The following DHX30 variants were observed in gnomAD, a reference collection of about 807,000 sequenced individuals.
DHX30 encodes DExH-box helicase 30, also known as ATP-dependent RNA helicase DHX30.
Under a neutral mutation model 116.9 loss-of-function variants are expected in DHX30, and 4 were observed. That is an observed-to-expected ratio of 0.03 (90% CI 0.02 to 0.08). DHX30 has a LOEUF of 0.08. Among genes scored for constraint, DHX30 ranks in the 10% least tolerant of loss-of-function variants. The probability of loss-of-function intolerance (pLI) is 1.00; values close to 1 mark genes in which losing one functional copy is unlikely to be tolerated. For synonymous variants in DHX30, 697 were observed against 651.7 expected, an observed-to-expected ratio of 1.07 and a Z score of -1.06; for missense variants, 871 against 1,595.1, an observed-to-expected ratio of 0.55 and a Z score of 7.73.
At chr3:47,845,123 G>A (rs923932412) in intron 9 of DHX30, among the ~76,000 whole-genome samples, 3 of 152,108 alleles carry the variant, frequency 2.0e-5, no homozygotes, top group Non-Finnish European at 4.4e-5. Flanking sequence ...TTTCTCCTCA[G>A]GGCCTTCTCC....
intron 4 of DHX30, chr3:47,826,129 C>G (rs1231918893): frequency 6.6e-6 from 1 of 152,204 alleles, no homozygotes; most frequent in Non-Finnish European, 1.5e-5. Flanking sequence ...AAAAAGCTCC[C>G]CAGGTGATCA....
At chr3:47,829,287 G>GATAGAT (rs1220180931) in intron 6 of DHX30, among the ~76,000 whole-genome samples, 153 bp downstream of exon 6, 1 of 35,844 alleles carries the variant, frequency 2.8e-5, no homozygotes, top group South Asian at 1.1e-3. Context: ...CAGCCAATGA[G>GATAGAT]ATATATATAT....
intron 5 of DHX30, among the ~76,000 whole-genome samples, chr3:47,828,522 A>C (rs2036652874): frequency 6.6e-6 from 1 of 151,376 alleles, no homozygotes; most frequent in Non-Finnish European, 1.5e-5. Context: ...CTGTAATCCC[A>C]GCACTTTGGG....
At chr3:47,810,918 G>A (rs934461781) in intron 3 of DHX30, among the ~76,000 whole-genome samples, 1 of 151,836 alleles carries the variant, frequency 6.6e-6, no homozygotes, top group African/African-American at 2.4e-5. Flanking sequence ...TCCTCCCAGT[G>A]CCCCCTTCTG....
chr3:47,850,066 G>A lies in DHX30; in HGVS notation c.3531G>A (p.Glu1177=). ...GGCAGCTGCTTGCGCTACTGGCAGA[G>A]CTGCTGCGAGGACCCTGTGGCAGCT... ...EHGQLLALLA[E]LLRGPCGSFD... Residue 1177 remains glutamate (E), a synonymous_variant, in exon 22 of 22, where the codon GAG becomes GAA. Coordinates refer to ENST00000445061, the MANE Select transcript of DHX30 (RefSeq NM_138615.3). The A allele has an allele frequency of 6.3e-7, 1 of 1,597,562 alleles. No homozygotes were observed.
At chr3:47,814,449 G>GA (rs1004882501) in intron 3 of DHX30, among the ~76,000 whole-genome samples, 2 of 118,934 alleles carry the variant, frequency 1.7e-5, no homozygotes, top group African/African-American at 6.3e-5. Flanking sequence ...AAAAAAAAAA[G>GA]AAAAAAAAAT....
At chr3:47,817,119 C>A in intron 3 of DHX30, 1 of 310,210 alleles carries the variant, frequency 3.2e-6, no homozygotes, top group Non-Finnish European at 4.7e-6. Flanking sequence ...GTTTCTCAAG[C>A]TTCAGGTGTG....
At chr3:47,815,333 A>G (rs1343327421) in intron 3 of DHX30, among the ~76,000 whole-genome samples, 2 of 152,194 alleles carry the variant, frequency 1.3e-5, no homozygotes, top group Non-Finnish European at 2.9e-5. Flanking sequence ...CTGGAGAGCT[A>G]TAGCCTTGCC....
intron 6 of DHX30, among the ~76,000 whole-genome samples, chr3:47,839,133 C>G (rs2037248659): frequency 6.6e-6 from 1 of 152,018 alleles, no homozygotes; most frequent in Admixed American, 6.6e-5. Context: ...TGCGTACATG[C>G]TAGAGACTTA....
chr3:47,833,491 C>T (rs2036955030), intron 6 of DHX30, among the ~76,000 whole-genome samples: 1 of 140,738 alleles, frequency 7.1e-6, no homozygotes, highest in Non-Finnish European at 1.5e-5. Flanking sequence ...GAGATCATAC[C>T]ACTGACCTCC....
chr3:47,828,125 T>C (rs1487385978), intron 5 of DHX30, among the ~76,000 whole-genome samples: 1 of 151,824 alleles, frequency 6.6e-6, no homozygotes, highest in Non-Finnish European at 1.5e-5. Flanking sequence ...CTCCCAAAAT[T>C]GTGGGAGACA....
At chr3:47,820,249 G>T (rs1193236811) in intron 4 of DHX30, among the ~76,000 whole-genome samples, 1 of 152,156 alleles carries the variant, frequency 6.6e-6, no homozygotes, top group Non-Finnish European at 1.5e-5. Flanking sequence ...AGGAGGCGGG[G>T]GTTGCAGTGA....
chr3:47,845,669 C>G, intron 9 of DHX30, 31 bp from the exon 10 acceptor site: 1 of 1,554,854 alleles, frequency 6.4e-7, no homozygotes. Flanking sequence ...AGCCCCAGAG[C>G]ATAGACTGAG....
chr3:47,848,022 G>T lies in DHX30; in HGVS notation c.2286+66G>T. The T allele has an allele frequency of 1.3e-6, 2 of 1,599,374 alleles. No individual in the cohort carries two copies. The highest frequency in any genetic ancestry group is 1.7e-6 in the Non-Finnish European group (2 of 1,170,046). ...GGACTCCGTTTTGAGGTGGTCCCCA[G>T]CCCAGATCTACCTTAGACCTGCTTT... On this transcript the variant is annotated intron_variant, in intron 14 of 21. Coordinates refer to ENST00000445061, the MANE Select transcript of DHX30 (RefSeq NM_138615.3). The surrounding 1 kb of genome is among the most constrained non-coding windows in gnomAD (Gnocchi z 9.4).
Position 47,810,681 on chromosome 3 carries a change from GA to G in DHX30, c.1del. 6.2e-7 allele frequency: 1 copy of G among 1,614,118 alleles called. No homozygotes were observed. Among genetic ancestry groups the G allele is most frequent in the Non-Finnish European group, 8.5e-7 (1 of 1,179,984 alleles). ...GGATTCCAGCTTTCCCTCCTGGCCA[GA>G]AATGTTCAGCCTGGACTCATTCAGA... is the stretch of plus-strand genomic sequence containing the variant. On this transcript the variant is annotated 5_prime_UTR_variant, in exon 3 of 22. Transcript: ENST00000445061.
intron 4 of DHX30, among the ~76,000 whole-genome samples, chr3:47,819,488 C>T (rs893647341): frequency 1.3e-5 from 2 of 152,190 alleles, no homozygotes; most frequent in Non-Finnish European, 2.9e-5. Flanking sequence ...CTCACAGCTG[C>T]GCCTCCAGGA....
intron 6 of DHX30, among the ~76,000 whole-genome samples, chr3:47,835,760 A>G (rs956347605): frequency 1.3e-4 from 20 of 152,220 alleles, no homozygotes; most frequent in African/African-American, 4.3e-4. Flanking sequence ...GGTTTTCTAT[A>G]TATAAGATAT....
At chr3:47,815,431 C>A (rs1213510789) in intron 3 of DHX30, among the ~76,000 whole-genome samples, 1 of 152,094 alleles carries the variant, frequency 6.6e-6, no homozygotes, top group Non-Finnish European at 1.5e-5. Flanking sequence ...TTCAGAGATG[C>A]TTCTTGGTAC....
chr3:47,825,841 ACCCC>A (rs1009892583), intron 4 of DHX30: 1 of 139,490 alleles, frequency 7.2e-6, no homozygotes. Flanking sequence ...CTGTGACGAA[ACCCC>A]CCCCGCCCCG....
Sources: gnomAD v4.1 joint callset for allele counts (sites outside exome capture counted in the v4.1 genomes callset) on GRCh38, gnomAD v4.1.1 for gene constraint, Gnocchi (gnomAD v3.1) non-coding constraint, MANE v1.5 for transcripts, NCBI Gene and HGNC (gene_info 2026-07-23, HGNC 2026-07-21) for gene names.